SRRM3: variants seen among roughly 807,000 people sequenced by gnomAD.
The protein encoded by SRRM3 is serine/arginine repetitive matrix 3, also known as serine/arginine repetitive matrix protein 3.
Under a neutral mutation model 66.2 loss-of-function variants are expected in SRRM3, and 27 were observed. The observed-to-expected ratio is 0.41, with a 90% confidence interval of 0.30 to 0.56. The LOEUF (loss-of-function observed/expected upper bound fraction) is 0.56, where lower values mean the gene tolerates loss of function less well. Among genes scored for constraint, SRRM3 ranks in the 20% least tolerant of loss-of-function variants. The probability of loss-of-function intolerance (pLI) is 0.32; values close to 1 mark genes in which losing one functional copy is unlikely to be tolerated. For missense variants in SRRM3, 918 were observed against 991.9 expected, an observed-to-expected ratio of 0.93 and a Z score of 1.00; for synonymous variants, 391 against 414.9, an observed-to-expected ratio of 0.94 and a Z score of 0.70.
intron 1 of SRRM3, among the ~76,000 whole-genome samples, chr7:76,229,858 C>T (rs1195085739): frequency 1.3e-5 from 2 of 151,768 alleles, no homozygotes; most frequent in Non-Finnish European, 1.5e-5. Flanking sequence ...ATTCTTCTGC[C>T]TCAGCCTCCC....
In SRRM3 at chr7:76,281,094, CTG is replaced by C. The variant is rs1302569000; in HGVS notation, c.1009-345_1009-344del. Among the ~76,000 whole-genome samples, 111 of 150,036 alleles carry C rather than the reference CTG, an allele frequency of 7.4e-4. 2 individuals carry two copies. The highest frequency in any genetic ancestry group is 1.2e-3 in the Admixed American group (18 of 15,066). ...CTTTCTCATCTCTCTCCCTCTCACT[CTG>C]TCTCTCTCCTGCTCTTTTTCTCTCT... On this transcript the variant is annotated intron_variant, in intron 11 of 14. Coordinates refer to ENST00000611745, the MANE Select transcript of SRRM3 (RefSeq NM_001110199.3).
chr7:76,203,596 C>T (rs78997931), intron 1 of SRRM3, among the ~76,000 whole-genome samples: 5,476 of 152,232 alleles, frequency 0.036, 230 homozygotes, highest in East Asian at 0.14. Flanking sequence ...TTTCTGTTCC[C>T]AGAGGAGATG....
rs782492476 is a variant in SRRM3 at position 76,261,617 on chromosome 7, C to T, written c.674+36C>T. On this transcript the variant is annotated intron_variant, in intron 8 of 14. Coordinates refer to ENST00000611745, the MANE Select transcript of SRRM3 (RefSeq NM_001110199.3). The stretch of plus-strand genomic sequence containing the variant: ...CTTTGCAGAGGACATGGTCAGTGGT[C>T]CCTTAAGGACCAAAGCCCAAAGGAC... 8.8e-6 allele frequency: 14 copies of T among 1,599,138 alleles called. No homozygotes were observed. The South Asian group carries it at 1.0e-4, about 12-fold the overall frequency.
At chr7:76,222,950 C>A (rs1440170291) in intron 1 of SRRM3, among the ~76,000 whole-genome samples, 2 of 152,098 alleles carry the variant, frequency 1.3e-5, no homozygotes, top group Non-Finnish European at 2.9e-5. Flanking sequence ...CCTCTCCATG[C>A]CTTCTTCCTG....
intron 11 of SRRM3, among the ~76,000 whole-genome samples, chr7:76,279,632 G>A (rs1159269006): frequency 3.9e-5 from 6 of 151,918 alleles, no homozygotes; most frequent in Non-Finnish European, 5.9e-5. Flanking sequence ...AGGGACACCA[G>A]GAAGCAAAAG....
At chr7:76,213,918 T>G (rs1800495784) in intron 1 of SRRM3, among the ~76,000 whole-genome samples, 1 of 151,958 alleles carries the variant, frequency 6.6e-6, no homozygotes, top group Non-Finnish European at 1.5e-5. Flanking sequence ...TACAGGTGCA[T>G]GTCACCATGC....
intron 11 of SRRM3, 98 bp downstream of exon 11, chr7:76,267,533 A>G: frequency 2.2e-5 from 3 of 136,500 alleles, no homozygotes; most frequent in South Asian, 1.4e-4. Flanking sequence ...TAAGTGTGGC[A>G]TGGGGGCGGG....
intron 3 of SRRM3, among the ~76,000 whole-genome samples, chr7:76,256,745 T>C (rs1801723582): frequency 6.6e-6 from 1 of 151,160 alleles, no homozygotes; most frequent in Admixed American, 6.6e-5. Context: ...GTTTCATCCT[T>C]TTTGCCCAGG....
chr7:76,273,131 GTTTCTC>G (rs1802253252), intron 11 of SRRM3: 1 of 152,310 alleles, frequency 6.6e-6, no homozygotes, highest in Admixed American at 6.6e-5. Flanking sequence ...CTGTCTTTCT[GTTTCTC>G]TTTCTCCTTC....
intron 2 of SRRM3, among the ~76,000 whole-genome samples, chr7:76,245,076 T>C (rs1801406295): frequency 6.6e-6 from 1 of 152,232 alleles, no homozygotes; most frequent in Non-Finnish European, 1.5e-5. Flanking sequence ...ATGCAAACGC[T>C]AGCATTGAAC....
chr7:76,261,591 G>A lies in SRRM3; in HGVS notation c.674+10G>A, dbSNP rs28488338. 4.3e-6 allele frequency: 7 copies of A among 1,609,778 alleles called. No homozygotes were observed. The highest frequency in any genetic ancestry group is 3.4e-5 in the Admixed American group (2 of 59,336). ...GGAAGAGACGGCACAGGTGAGCGGC[G>A]CTTTGCAGAGGACATGGTCAGTGGT... On this transcript the variant is annotated intron_variant, in intron 8 of 14. Coordinates refer to ENST00000611745, the MANE Select transcript of SRRM3 (RefSeq NM_001110199.3).
intron 2 of SRRM3, 46 bp from the exon 3 acceptor site, chr7:76,248,142 C>A (rs1554606357): frequency 2.0e-6 from 3 of 1,530,258 alleles, no homozygotes; most frequent in Admixed American, 1.8e-5. Flanking sequence ...AAAGAGGGAA[C>A]CAAATCTGGG....
chr7:76,235,318 G>T lies in SRRM3; in HGVS notation c.233+19G>T. 1 of 1,484,496 alleles carries T rather than the reference G, an allele frequency of 6.7e-7. No homozygotes were observed. Among genetic ancestry groups the T allele is most frequent in the African/African-American group, 1.4e-5 (1 of 70,582 alleles). 92.0% of individuals were successfully genotyped at this position (1,484,496 alleles called of 1,614,324 possible). On this transcript the variant is annotated intron_variant, in intron 2 of 14. Transcript: ENST00000611745. ...AGCAGGGGTGAGCAGGCCGCGGGGC[G>T]GGACTGGGGTGGGGAGATAGGCGGG...
In SRRM3 at chr7:76,273,193, C is replaced by T. The variant is rs1244037812; in HGVS notation, c.1008+5758C>T. 2.0e-5 allele frequency: 3 copies of T among 152,322 alleles called. No individual in the cohort carries two copies. In the East Asian group the frequency reaches 5.8e-4, roughly 29 times the overall value. 9.4% of individuals were successfully genotyped at this position (152,322 alleles called of 1,614,324 possible). A position where few individuals can be genotyped will look rare whatever the true frequency, so the allele number is the denominator to read the frequency against. ...CCTGACTTTGTCTGTTCGTCTGTCT[C>T]TCTGTCTGCCTCCTGTCTCTCTCTC... On this transcript the variant is annotated intron_variant, in intron 11 of 14. Coordinates refer to ENST00000611745, the MANE Select transcript of SRRM3 (RefSeq NM_001110199.3).
At chr7:76,208,743 G>A (rs3973162) in intron 1 of SRRM3, among the ~76,000 whole-genome samples, 40,378 of 151,320 alleles carry the variant, frequency 0.27, 6,943 homozygotes, top group Non-Finnish European at 0.39. Context: ...GCTGAGGCAC[G>A]AGAATCACTT....
intron 14 of SRRM3, among the ~76,000 whole-genome samples, chr7:76,284,595 C>T (rs1802611215): frequency 6.6e-6 from 1 of 152,174 alleles, no homozygotes; most frequent in East Asian, 1.9e-4. Flanking sequence ...CCTTCTGATG[C>T]CAACTCACCA....
Position 76,264,821 on chromosome 7 carries a change from C to A in SRRM3, c.725+6C>A. ...AAGAACAAAGAGAAGAAGAGGTAAG[C>A]GCCCTCCCTACTCTCCAGCCCCCCA... On this transcript the variant is annotated splice_donor_region_variant and intron_variant, in intron 9 of 14. Transcript: ENST00000611745. 2 of 1,613,442 alleles carry A rather than the reference C, an allele frequency of 1.2e-6. No individual in the cohort carries two copies. The highest frequency in any genetic ancestry group is 1.7e-6 in the Non-Finnish European group (2 of 1,179,784).
At chr7:76,280,441 C>T in intron 11 of SRRM3, among the ~76,000 whole-genome samples, 1 of 147,702 alleles carries the variant, frequency 6.8e-6, no homozygotes, top group African/African-American at 2.5e-5. Flanking sequence ...GCTGGGGGTC[C>T]GGCCTGGTGG....
At chr7:76,229,527 C>A (rs1434842372) in intron 1 of SRRM3, among the ~76,000 whole-genome samples, 1 of 152,000 alleles carries the variant, frequency 6.6e-6, no homozygotes, top group Non-Finnish European at 1.5e-5. Flanking sequence ...TCCTTGGCAC[C>A]CTATTTTTGT....
Sources: allele counts gnomAD v4.1 joint callset (sites outside exome capture counted in the v4.1 genomes callset), GRCh38; gene constraint gnomAD v4.1.1; transcripts MANE v1.5; gene names NCBI Gene and HGNC (gene_info 2026-07-23, HGNC 2026-07-21).